Variants in DTX2 observed in about 807,000 individuals in gnomAD.
DTX2 encodes the protein deltex E3 ubiquitin ligase 2, also known as probable E3 ubiquitin-protein ligase DTX2.
A neutral mutation model predicts 55.3 loss-of-function variants in DTX2; 29 were observed. The ratio of observed to expected loss-of-function variants is 0.52; its 90% CI spans 0.39 to 0.71. The LOEUF (loss-of-function observed/expected upper bound fraction) is 0.71, where lower values mean the gene tolerates loss of function less well. DTX2 is among the 30% of genes least tolerant of loss of function. DTX2 has a pLI of 0.00. For missense variants in DTX2, 537 were observed against 822.5 expected, an observed-to-expected ratio of 0.65 and a Z score of 4.25; for synonymous variants, 276 against 340.4, an observed-to-expected ratio of 0.81 and a Z score of 2.08.
At chr7:76,499,063 GCT>G (rs1393354648) in intron 6 of DTX2, among the ~76,000 whole-genome samples, 4 of 37,650 alleles carry the variant, frequency 1.1e-4, no homozygotes, top group Non-Finnish European at 9.5e-5. Flanking sequence ...GGTGTGTGGA[GCT>G]GTGTGTGGTG....
intron 7 of DTX2, among the ~76,000 whole-genome samples, chr7:76,500,738 C>T (rs1371710388): frequency 6.6e-6 from 1 of 151,628 alleles, no homozygotes; most frequent in Admixed American, 6.6e-5. Context: ...GAGCAAAGCC[C>T]CTCCTCTCCC....
At position 76,503,614 on chromosome 7, in the gene DTX2, T is replaced by G. The variant is rs568066210; in HGVS notation, c.1551+27T>G. 6.9e-6 allele frequency: 11 copies of G among 1,589,978 alleles called. No homozygotes were observed. The African/African-American group carries it at 1.3e-4, about 19-fold the overall frequency. On this transcript the variant is annotated intron_variant, in intron 9 of 10. Coordinates refer to ENST00000430490, the MANE Select transcript of DTX2 (RefSeq NM_001102594.3). ...TGAGGGGCCTTCTTGAGTCCCCCAC[T>G]CCTGGCCACTCCTCTTCCCACCCCG...
At chr7:76,499,584 GC>G (rs1316133658) in intron 6 of DTX2, among the ~76,000 whole-genome samples, 1 of 149,346 alleles carries the variant, frequency 6.7e-6, no homozygotes, top group Non-Finnish European at 1.5e-5. Flanking sequence ...TGTCAGGAGC[GC>G]CTCCACGGGT....
chr7:76,468,783 G>T, intron 2 of DTX2, among the ~76,000 whole-genome samples: 1 of 90,322 alleles, frequency 1.1e-5, no homozygotes, highest in South Asian at 3.9e-4. Context: ...TTTTTTTTGA[G>T]GCAGGGTCTA....
intron 3 of DTX2, among the ~76,000 whole-genome samples, chr7:76,481,620 T>C (rs2260344): frequency 6.6e-5 from 10 of 151,896 alleles, no homozygotes; most frequent in African/African-American, 1.5e-4. Context: ...TTTGGAGACA[T>C]TGTTGGTTGT....
At chr7:76,480,164 G>T (rs1215381768) in intron 2 of DTX2, among the ~76,000 whole-genome samples, 1 of 140,714 alleles carries the variant, frequency 7.1e-6, no homozygotes, top group South Asian at 2.5e-4. Flanking sequence ...AATGAGCTGG[G>T]TGTGGTGGTG....
At chr7:76,490,219 A>G (rs1429936679) in intron 4 of DTX2, among the ~76,000 whole-genome samples, 1 of 84,718 alleles carries the variant, frequency 1.2e-5, no homozygotes. Flanking sequence ...CCAGCTACTC[A>G]GGAGGCTGAG....
intron 6 of DTX2, among the ~76,000 whole-genome samples, chr7:76,498,124 C>T (rs1160441036): frequency 6.6e-6 from 1 of 152,252 alleles, no homozygotes; most frequent in Non-Finnish European, 1.5e-5. Flanking sequence ...TCCAGACGCT[C>T]TTGAGTGGGC....
At chr7:76,499,071 T>G (rs59141704) in intron 6 of DTX2, among the ~76,000 whole-genome samples, 2 of 9,438 alleles carry the variant, frequency 2.1e-4, no homozygotes, top group Non-Finnish European at 3.6e-4. Flanking sequence ...GAGCTGTGTG[T>G]GGTGTGTGGA....
Position 76,496,495 on chromosome 7 carries a change from C to T in DTX2, c.1010-842C>T, listed in dbSNP as rs1443731366. 3.9e-5 allele frequency among the ~76,000 whole-genome samples: 3 copies of T among 76,482 alleles called. 1 individual carries two copies. The highest frequency in any genetic ancestry group is 7.6e-5 in the Non-Finnish European group (3 of 39,228). 50.2% of individuals were successfully genotyped at this position (76,482 alleles called of 152,430 possible). A position where few individuals can be genotyped will look rare whatever the true frequency, so the allele number is the denominator to read the frequency against. ...CTAACTGACCGATGACAGGGAGGAC[C>T]GGGGAGCTGGCACTATGGAAAGTGG... On this transcript the variant is annotated intron_variant, in intron 5 of 10. Transcript: ENST00000430490.
chr7:76,503,340 G>A (rs181447664), intron 8 of DTX2, 86 bp from the exon 9 acceptor site: 28 of 1,459,406 alleles, frequency 1.9e-5, no homozygotes, highest in Admixed American at 1.6e-4. Flanking sequence ...GCCCATTCCC[G>A]GGGCCCTTTA....
At chr7:76,501,443 C>T (rs551608200) in intron 7 of DTX2, among the ~76,000 whole-genome samples, 2 of 151,742 alleles carry the variant, frequency 1.3e-5, no homozygotes, top group South Asian at 2.1e-4. Context: ...ACCCCAGGCT[C>T]CTCCTCTCCA....
Position 76,505,457 on chromosome 7 carries a change from CG to C in DTX2, c.1726del (p.Val576TrpfsTer39). 6.2e-7 allele frequency: 1 copy of C among 1,606,722 alleles called. No homozygotes were observed. The highest frequency in any genetic ancestry group is 8.5e-7 in the Non-Finnish European group (1 of 1,176,864). On this transcript the variant is annotated frameshift_variant, in exon 11 of 11. Coordinates refer to ENST00000430490, the MANE Select transcript of DTX2 (RefSeq NM_001102594.3). LOFTEE classifies it high-confidence loss of function. The surrounding 1 kb of genome is among the most constrained non-coding windows in gnomAD (Gnocchi z 4.4). Reference protein sequence around the residue: ...TSSTTGETDTVVWNEIHHKTE... With the variant: ...TSSTTGETDTXVWNEIHHKTE... The stretch of plus-strand genomic sequence containing the variant: ...CCAGCACCACGGGTGAGACGGACAC[CG>C]TGGTATGGAACGAGATCCACCACAA...
chr7:76,476,903 G>A (rs1315182182), intron 2 of DTX2: 2 of 152,042 alleles, frequency 1.3e-5, no homozygotes, highest in Admixed American at 6.6e-5. Flanking sequence ...GCGTGCCTTC[G>A]TGGAAAGTTT....
chr7:76,498,888 G>GT (rs1811274890), intron 6 of DTX2, among the ~76,000 whole-genome samples: 1 of 68,728 alleles, frequency 1.5e-5, no homozygotes, highest in Non-Finnish European at 2.6e-5. Context: ...GGAGGTGTGG[G>GT]GTGTATGGAG....
At chr7:76,501,851 C>G (rs1472681917) in intron 7 of DTX2, 1 of 175,460 alleles carries the variant, frequency 5.7e-6, no homozygotes, top group Non-Finnish European at 1.2e-5. Flanking sequence ...GGCACAGGTC[C>G]CGGTGACTCA....
intron 2 of DTX2, among the ~76,000 whole-genome samples, chr7:76,469,878 G>A (rs1338886799): frequency 6.6e-6 from 1 of 151,104 alleles, no homozygotes; most frequent in Non-Finnish European, 1.5e-5. Context: ...ATGTCTTCTG[G>A]TGACTCACTT....
At position 76,505,266 on chromosome 7, in the gene DTX2, TG is replaced by T; in HGVS notation, c.1642-105del. ...AGTGCCAGGGAGTGGATGAGTCACC[TG>T]GGAGGGGCTGGGATGGGAAGAACAT... On this transcript the variant is annotated intron_variant, in intron 10 of 10. Transcript: ENST00000430490. The surrounding 1 kb of genome is among the most constrained non-coding windows in gnomAD (Gnocchi z 4.4). 1 of 938,740 alleles carries T rather than the reference TG, an allele frequency of 1.1e-6. No homozygotes were observed. Among genetic ancestry groups the T allele is most frequent in the Non-Finnish European group, 1.6e-6 (1 of 618,558 alleles). The allele number at this position is 938,740 out of a possible 1,614,324, so 58.2% of individuals were successfully genotyped here. A position where few individuals can be genotyped will look rare whatever the true frequency, so the allele number is the denominator to read the frequency against.
At chr7:76,466,343 G>A (rs1807183250) in intron 2 of DTX2, among the ~76,000 whole-genome samples, 1 of 151,332 alleles carries the variant, frequency 6.6e-6, no homozygotes, top group African/African-American at 2.5e-5. Flanking sequence ...TTTAATAAAT[G>A]TAGTAAGCTC....
Sources: allele counts gnomAD v4.1 joint callset (sites outside exome capture counted in the v4.1 genomes callset), GRCh38; gene constraint gnomAD v4.1.1; non-coding constraint Gnocchi (gnomAD v3.1); transcripts MANE v1.5; gene names NCBI Gene and HGNC (gene_info 2026-07-23, HGNC 2026-07-21).